The following LYRM4 variants were observed in gnomAD, a reference collection of about 807,000 sequenced individuals.
LYRM4 encodes the protein LYR motif containing 4.
In LYRM4, 9 loss-of-function variants were observed where a neutral mutation model predicts 11.7. That is an observed-to-expected ratio of 0.77 (90% CI 0.46 to 1.34). LYRM4 has a LOEUF of 1.34. Among genes scored for constraint, LYRM4 ranks in the 40% most tolerant of loss-of-function variants. The pLI is 0.00. For synonymous variants in LYRM4, 42 were observed against 40.4 expected, an observed-to-expected ratio of 1.04 and a Z score of -0.15; for missense variants, 133 against 112.5, an observed-to-expected ratio of 1.18 and a Z score of -0.82.
chr6:5,234,579 T>C (rs147382579), intron 1 of LYRM4, among the ~76,000 whole-genome samples: 74 of 152,296 alleles, frequency 4.9e-4, no homozygotes, highest in African/African-American at 1.6e-3. Context: ...GAAGGATGAA[T>C]AGAATTTCAC....
chr6:5,170,806 A>C (rs1447785129), intron 2 of LYRM4, among the ~76,000 whole-genome samples: 1 of 152,214 alleles, frequency 6.6e-6, no homozygotes, highest in East Asian at 1.9e-4. Context: ...TACTTCTAAT[A>C]ATCTATCCTA....
chr6:5,138,886 C>T (rs956678870), intron 2 of LYRM4: 9 of 591,318 alleles, frequency 1.5e-5, no homozygotes, highest in Non-Finnish European at 2.6e-5. Flanking sequence ...TAGACATAGA[C>T]ATTTTGCTCT....
the LYRM4 span, chr6:5,085,516 G>C: frequency 6.5e-7 from 1 of 1,537,958 alleles, no homozygotes; most frequent in Non-Finnish European, 8.7e-7. Context: ...GCTAAGTTTG[G>C]AGGCGCCGGG....
At chr6:5,154,281 T>A (rs564753649) in intron 2 of LYRM4, among the ~76,000 whole-genome samples, 1 of 152,202 alleles carries the variant, frequency 6.6e-6, no homozygotes, top group South Asian at 2.1e-4. Flanking sequence ...TGCAGTAGAA[T>A]GAAACAGTAG....
chr6:5,037,773 C>A, the LYRM4 span, among the ~76,000 whole-genome samples: 1 of 56,896 alleles, frequency 1.8e-5, no homozygotes, highest in Non-Finnish European at 4.4e-5. Context: ...CGGGCAGAGG[C>A]GCCCCTCACC....
intron 2 of LYRM4, among the ~76,000 whole-genome samples, chr6:5,112,670 G>C (rs1354066896): frequency 2.6e-5 from 4 of 152,212 alleles, no homozygotes; most frequent in African/African-American, 9.7e-5. Context: ...CAAGAACTGA[G>C]ATAAATGACC....
intron 2 of LYRM4, among the ~76,000 whole-genome samples, chr6:5,111,393 C>G (rs888394217): frequency 7.9e-5 from 12 of 152,204 alleles, no homozygotes; most frequent in African/African-American, 2.9e-4. Flanking sequence ...GAGTACTTGA[C>G]AGAGTTTACC....
intron 1 of LYRM4, chr6:5,236,610 T>C (rs1763559400): frequency 6.6e-6 from 1 of 152,106 alleles, no homozygotes; most frequent in South Asian, 2.1e-4. Flanking sequence ...CTGAATATTA[T>C]TTTGTTTAAA....
chr6:5,036,088 A>T, the LYRM4 span, among the ~76,000 whole-genome samples: 1 of 147,720 alleles, frequency 6.8e-6, no homozygotes, highest in Admixed American at 6.6e-5. Flanking sequence ...GTTTAAAATT[A>T]ACATGTTAAG....
At chr6:5,095,321 A>G in the LYRM4 span, among the ~76,000 whole-genome samples, 1 of 152,252 alleles carries the variant, frequency 6.6e-6, no homozygotes, top group Non-Finnish European at 1.5e-5. Context: ...AACCAAGCAA[A>G]GAACTATTCA....
intron 2 of LYRM4, among the ~76,000 whole-genome samples, chr6:5,128,627 T>G (rs1178472535): frequency 5.3e-5 from 8 of 152,204 alleles, no homozygotes; most frequent in African/African-American, 1.7e-4. Flanking sequence ...TTGGAGAAGA[T>G]GCTTCCCTCC....
At chr6:5,180,037 A>G (rs1237204923) in intron 2 of LYRM4, among the ~76,000 whole-genome samples, 3 of 152,250 alleles carry the variant, frequency 2.0e-5, no homozygotes, top group Non-Finnish European at 4.4e-5. Context: ...TTAGGCAGAA[A>G]CAAGGCTAAA....
At chr6:5,182,978 A>G (rs149463506) in intron 2 of LYRM4, among the ~76,000 whole-genome samples, 48 of 152,340 alleles carry the variant, frequency 3.2e-4, no homozygotes, top group African/African-American at 1.2e-3. Context: ...AGTTGTAGAG[A>G]CTATAATGAA....
At chr6:5,246,035 T>C (rs895941410) in intron 1 of LYRM4, among the ~76,000 whole-genome samples, 1 of 152,114 alleles carries the variant, frequency 6.6e-6, no homozygotes, top group African/African-American at 2.4e-5. Context: ...CTTCTTTCCT[T>C]TAAAAAATTA....
chr6:5,162,621 C>G (rs1758835236), intron 2 of LYRM4, among the ~76,000 whole-genome samples: 1 of 152,136 alleles, frequency 6.6e-6, no homozygotes, highest in Non-Finnish European at 1.5e-5. Flanking sequence ...ATCTGTGAAG[C>G]CATCTGGTGT....
Position 5,189,120 on chromosome 6 carries a change from G to A in LYRM4, c.207+27498C>T, listed in dbSNP as rs73719736. The stretch of plus-strand genomic sequence containing the variant: ...GGACCCCTTGTCTTGCTGTTTTCCC[G>A]TACTGTATTACATACAATTGTTATT... On this transcript the variant is annotated intron_variant, in intron 2 of 2. Coordinates refer to ENST00000330636, the MANE Select transcript of LYRM4 (RefSeq NM_020408.6). Among the ~76,000 whole-genome samples the A allele has an allele frequency of 9.2e-3, 1,401 of 152,216 alleles. 19 individuals are homozygous for A. Among genetic ancestry groups the A allele is most frequent in the African/African-American group, 0.031 (1,281 of 41,522 alleles).
intron 2 of LYRM4, among the ~76,000 whole-genome samples, chr6:5,112,274 G>C (rs922109408): frequency 5.3e-5 from 8 of 152,228 alleles, no homozygotes; most frequent in African/African-American, 1.9e-4. Flanking sequence ...ACCCCCCTGA[G>C]AGCCCCTCAA....
intron 2 of LYRM4, among the ~76,000 whole-genome samples, chr6:5,163,960 A>C (rs1758920660): frequency 6.6e-6 from 1 of 152,210 alleles, no homozygotes; most frequent in African/African-American, 2.4e-5. Context: ...TATAACATTG[A>C]GTATTCTAAT....
chr6:5,147,819 T>C (rs960219040), intron 2 of LYRM4, among the ~76,000 whole-genome samples: 4 of 152,178 alleles, frequency 2.6e-5, no homozygotes, highest in African/African-American at 9.7e-5. Context: ...TCCTTCCTTT[T>C]TAATATTCCC....
Sources: allele counts gnomAD v4.1 joint callset (sites outside exome capture counted in the v4.1 genomes callset), GRCh38; gene constraint gnomAD v4.1.1; transcripts MANE v1.5; gene names NCBI Gene and HGNC (gene_info 2026-07-23, HGNC 2026-07-21).